Variants in NRG1 observed in about 807,000 individuals in gnomAD.
The protein encoded by NRG1 is neuregulin 1.
Under a neutral mutation model 63.8 loss-of-function variants are expected in NRG1, and 18 were observed. The observed-to-expected ratio is 0.28, with a 90% CI of 0.19 to 0.42. NRG1 has a LOEUF of 0.42. Among genes scored for constraint, NRG1 ranks in the 10% least tolerant of loss-of-function variants. The pLI, the probability that NRG1 is intolerant of heterozygous loss-of-function variation, is 1.00. For missense variants in NRG1, 762 were observed against 814.7 expected (o/e 0.94, Z 0.79); for synonymous variants, 302 against 301.3 (o/e 1.00, Z -0.02).
chr8:31,902,125 A>G (rs1832136406), intron 1 of NRG1, among the ~76,000 whole-genome samples: 2 of 152,168 alleles, frequency 1.3e-5, no homozygotes, highest in Admixed American at 1.3e-4. Flanking sequence ...ACCCTATTAC[A>G]CCACTACTAG....
At chr8:32,337,682 A>AAAAAAAAAAAAAAAAAAAAAAAT (rs1554511693) in intron 1 of NRG1, among the ~76,000 whole-genome samples, 9 of 116,700 alleles carry the variant, frequency 7.7e-5, no homozygotes, top group Non-Finnish European at 1.7e-4. Context: ...AAAAAAAAAA[A>AAAAAAAAAAAAAAAAAAAAAAAT]GCTGATGCAG....
chr8:32,576,483 T>G (rs1427832446), intron 1 of NRG1, among the ~76,000 whole-genome samples: 1 of 152,168 alleles, frequency 6.6e-6, no homozygotes. Flanking sequence ...ATTCTGAATT[T>G]TTTCAGAAGT....
At chr8:32,613,462 C>T (rs562791712) in intron 3 of NRG1, among the ~76,000 whole-genome samples, 1 of 151,906 alleles carries the variant, frequency 6.6e-6, no homozygotes, top group Non-Finnish European at 1.5e-5. Context: ...ATCTTGGAAA[C>T]CCTAAATGGC....
intron 1 of NRG1, among the ~76,000 whole-genome samples, chr8:32,267,551 C>T (rs1241429180): frequency 6.6e-6 from 1 of 152,176 alleles, no homozygotes; most frequent in Non-Finnish European, 1.5e-5. Context: ...GAAGAAAACT[C>T]ACCCAAATTT....
chr8:32,238,878 G>A (rs1291128238), intron 1 of NRG1, among the ~76,000 whole-genome samples: 16 of 152,170 alleles, frequency 1.1e-4, no homozygotes, highest in Admixed American at 1.0e-3. Flanking sequence ...ACCAGGCTGA[G>A]GATGTGCCTG....
At chr8:31,798,251 T>C (rs983091755) in intron 1 of NRG1, among the ~76,000 whole-genome samples, 1 of 152,158 alleles carries the variant, frequency 6.6e-6, no homozygotes, top group Non-Finnish European at 1.5e-5. Context: ...ATGTTTGAGG[T>C]GATAGATACG....
chr8:31,974,540 T>C (rs327378), intron 1 of NRG1, among the ~76,000 whole-genome samples: 129,131 of 152,086 alleles, frequency 0.85, 55,696 homozygotes, highest in African/African-American at 0.96. Flanking sequence ...CGAAGTACCC[T>C]GACTGTCAGT....
intron 1 of NRG1, among the ~76,000 whole-genome samples, chr8:31,769,806 G>A (rs527985056): frequency 1.4e-4 from 22 of 152,248 alleles, no homozygotes; most frequent in Admixed American, 1.1e-3. Flanking sequence ...AGAAAGGGAA[G>A]CAAGGAAATA....
intron 5 of NRG1, among the ~76,000 whole-genome samples, chr8:32,679,418 T>C (rs2128912730): frequency 6.6e-6 from 1 of 152,326 alleles, no homozygotes; most frequent in East Asian, 1.9e-4. Context: ...TAGAAGTCTG[T>C]ACCCTCCCTT....
At chr8:31,885,580 G>T (rs564377393) in intron 1 of NRG1, among the ~76,000 whole-genome samples, 1 of 152,150 alleles carries the variant, frequency 6.6e-6, no homozygotes, top group South Asian at 2.1e-4. Context: ...TCTGCTTCCC[G>T]CAGTGGCACT....
At chr8:32,135,321 A>G (rs1835365745) in intron 1 of NRG1, among the ~76,000 whole-genome samples, 1 of 152,226 alleles carries the variant, frequency 6.6e-6, no homozygotes, top group Non-Finnish European at 1.5e-5. Context: ...TGGAAAATGA[A>G]TTGCATGGGA....
chr8:32,377,153 G>C (rs1412989142), intron 1 of NRG1, among the ~76,000 whole-genome samples: 1 of 152,190 alleles, frequency 6.6e-6, no homozygotes, highest in East Asian at 1.9e-4. Context: ...TGCACATAGA[G>C]TGTTCAACAT....
At chr8:32,482,704 C>T (rs1242053419) in intron 1 of NRG1, among the ~76,000 whole-genome samples, 1 of 152,106 alleles carries the variant, frequency 6.6e-6, no homozygotes, top group Non-Finnish European at 1.5e-5. Flanking sequence ...AGAGGAAATG[C>T]ATGGAGCAGA....
intron 5 of NRG1, among the ~76,000 whole-genome samples, chr8:32,622,517 C>A (rs1469881273): frequency 6.6e-6 from 1 of 152,108 alleles, no homozygotes; most frequent in Admixed American, 6.5e-5. Flanking sequence ...ATCTTCCTTC[C>A]TCAGCCTCCC....
intron 1 of NRG1, among the ~76,000 whole-genome samples, chr8:31,688,118 C>T (rs1244901093): frequency 1.3e-5 from 2 of 152,164 alleles, no homozygotes; most frequent in Non-Finnish European, 2.9e-5. Flanking sequence ...CAATTAGACA[C>T]CAATCTGTAT....
chr8:32,057,263 A>G (rs1823100600), intron 1 of NRG1, among the ~76,000 whole-genome samples: 1 of 152,146 alleles, frequency 6.6e-6, no homozygotes, highest in African/African-American at 2.4e-5. Flanking sequence ...GGAATTCTGA[A>G]GCTACAACTG....
intron 5 of NRG1, among the ~76,000 whole-genome samples, chr8:32,637,256 C>T (rs559283799): frequency 6.0e-4 from 92 of 152,088 alleles, no homozygotes; most frequent in African/African-American, 2.2e-3. Context: ...ATGAAATTTC[C>T]TGTATATATG....
chr8:31,705,259 G>A (rs1369888640), intron 1 of NRG1, among the ~76,000 whole-genome samples: 2 of 152,028 alleles, frequency 1.3e-5, no homozygotes, highest in Non-Finnish European at 2.9e-5. Context: ...TGTTGGCCAG[G>A]ATGGTCTCCA....
intron 1 of NRG1, among the ~76,000 whole-genome samples, chr8:32,124,199 T>C (rs1165116744): frequency 1.3e-5 from 2 of 151,968 alleles, no homozygotes; most frequent in Non-Finnish European, 2.9e-5. Flanking sequence ...CCTTCATTAC[T>C]TTTCCTCCTT....
Sources: gnomAD v4.1 joint callset for allele counts (sites outside exome capture counted in the v4.1 genomes callset) on GRCh38, gnomAD v4.1.1 for gene constraint, MANE v1.5 for transcripts, NCBI Gene and HGNC (gene_info 2026-07-23, HGNC 2026-07-21) for gene names.